ANKRD28: variants seen among roughly 807,000 people sequenced by gnomAD.
The protein encoded by ANKRD28 is serine/threonine-protein phosphatase 6 regulatory ankyrin repeat subunit A.
Under a neutral mutation model 126.5 loss-of-function variants are expected in ANKRD28, and 44 were observed. The observed-to-expected ratio is 0.35, with a 90% CI of 0.27 to 0.45. ANKRD28 has a LOEUF of 0.45. Among genes scored for constraint, ANKRD28 ranks in the 20% least tolerant of loss-of-function variants. The pLI is 1.00. For synonymous variants in ANKRD28, 442 were observed against 468.5 expected, an observed-to-expected ratio of 0.94 and a Z score of 0.73; for missense variants, 1,110 against 1,316.6, an observed-to-expected ratio of 0.84 and a Z score of 2.43.
intron 4 of ANKRD28, among the ~76,000 whole-genome samples, chr3:15,742,748 A>G: frequency 8.7e-6 from 1 of 114,938 alleles, no homozygotes; most frequent in Admixed American, 9.1e-5. Context: ...TCCGGGAGGG[A>G]GGTGAGGGGG....
chr3:15,752,773 C>A (rs1485807315), intron 3 of ANKRD28, among the ~76,000 whole-genome samples: 1 of 152,214 alleles, frequency 6.6e-6, no homozygotes, highest in African/African-American at 2.4e-5. Flanking sequence ...AAGCTTCATA[C>A]TTCCTAACGC....
rs1459924770 is a variant in ANKRD28, at chr3:15,686,204, T to G, written c.2051+18A>C. On this transcript the variant is annotated intron_variant, in intron 19 of 27. Transcript: ENST00000683139. ...AATACGCCCTTCTGTGATGCAACAA[T>G]TATTTATCGAAACTTACTGTCCATT... 6.3e-7 allele frequency: 1 copy of G among 1,589,460 alleles called. No individual in the cohort carries two copies. The highest frequency in any genetic ancestry group is 2.3e-5 in the East Asian group (1 of 44,296).
chr3:15,695,248 TG>T, intron 15 of ANKRD28, 34 bp from the exon 16 acceptor site: 2 of 1,480,994 alleles, frequency 1.4e-6, no homozygotes, highest in Non-Finnish European at 1.9e-6. Flanking sequence ...ATATTTAGCT[TG>T]GGAAGTATTC....
chr3:15,856,168 GC>G (rs1159147240), intron 1 of ANKRD28, among the ~76,000 whole-genome samples: 1 of 151,862 alleles, frequency 6.6e-6, no homozygotes, highest in Non-Finnish European at 1.5e-5. Flanking sequence ...GTTTTGTCTA[GC>G]AATCTGGATT....
chr3:15,678,571 C>G (rs2067203153), intron 23 of ANKRD28, among the ~76,000 whole-genome samples: 1 of 152,032 alleles, frequency 6.6e-6, no homozygotes, highest in Non-Finnish European at 1.5e-5. Flanking sequence ...TAAACTAGAA[C>G]TAGTATGAAG....
At chr3:15,851,618 A>C (rs1353513768) in intron 1 of ANKRD28, among the ~76,000 whole-genome samples, 2 of 152,094 alleles carry the variant, frequency 1.3e-5, no homozygotes, top group Non-Finnish European at 2.9e-5. Context: ...ACACACTAGG[A>C]TGGCTATAAT....
rs928925232 is a variant in ANKRD28, at chr3:15,797,837, T to G, written c.-1316A>C. 3 of 985,238 alleles carry G rather than the reference T, an allele frequency of 3.0e-6. No individual in the cohort carries two copies. Among genetic ancestry groups the G allele is most frequent in the Non-Finnish European group, 3.6e-6 (3 of 829,934 alleles). 61.0% of individuals were successfully genotyped at this position (985,238 alleles called of 1,614,324 possible). A position where few individuals can be genotyped will look rare whatever the true frequency, so the allele number is the denominator to read the frequency against. On this transcript the variant is annotated 5_prime_UTR_variant, in exon 1 of 28. Transcript: ENST00000683139. The stretch of plus-strand genomic sequence containing the variant: ...AACACCACTGACATCCCCAAATGAG[T>G]AGGTCCTTAAAAAATATCTATAGAA...
At chr3:15,784,004 G>T (rs1470440286) in intron 2 of ANKRD28, among the ~76,000 whole-genome samples, 1 of 151,630 alleles carries the variant, frequency 6.6e-6, no homozygotes, top group Non-Finnish European at 1.5e-5. Flanking sequence ...ATGAAAGCAA[G>T]AAAAGAGTCC....
At chr3:15,859,544 AC>A (rs1657466499) in exon 1 of ANKRD28, 3 of 496,138 alleles carry the variant, frequency 6.0e-6, no homozygotes, top group Admixed American at 1.8e-4. Context: ...CGCTGAGAAG[AC>A]CTGCGGGCAG....
chr3:15,703,314 A>AT (rs991643050), intron 14 of ANKRD28, among the ~76,000 whole-genome samples: 2 of 152,194 alleles, frequency 1.3e-5, no homozygotes, highest in Non-Finnish European at 1.5e-5. Context: ...ATGTAGCCTC[A>AT]TTTCCTAAGA....
At chr3:15,857,915 T>C (rs148203777) in intron 1 of ANKRD28, among the ~76,000 whole-genome samples, 3 of 152,226 alleles carry the variant, frequency 2.0e-5, no homozygotes. Context: ...CAAAGTGCCA[T>C]TTGACTGGTA....
intron 1 of ANKRD28, among the ~76,000 whole-genome samples, chr3:15,811,207 A>G (rs1254341598): frequency 1.3e-5 from 2 of 152,212 alleles, no homozygotes; most frequent in Admixed American, 1.3e-4. Flanking sequence ...TTTGATCTTT[A>G]AAAGAATAAG....
intron 25 of ANKRD28, 86 bp from the exon 26 acceptor site, chr3:15,677,142 A>G: frequency 9.2e-7 from 1 of 1,082,824 alleles, no homozygotes; most frequent in Non-Finnish European, 1.4e-6. Flanking sequence ...CCTAGTCCAT[A>G]TATTATGTAC....
Position 15,856,508 on chromosome 3 carries a change from C to T in ANKRD28, c.27+2869G>A, listed in dbSNP as rs112321386. ...ACACTGATATCTGTTAGAAAAAACC[C>T]TGCAATTGTCACAAATTTATTCAAA... On this transcript the variant is annotated intron_variant, in intron 1 of 27. Transcript: ENST00000399451. 2.1e-3 allele frequency among the ~76,000 whole-genome samples: 320 copies of T among 152,222 alleles called. 2 individuals are homozygous for T. The highest frequency in any genetic ancestry group is 0.01 in the Middle Eastern group (3 of 294).
At chr3:15,852,869 A>G (rs921854982) in intron 1 of ANKRD28, among the ~76,000 whole-genome samples, 4 of 149,634 alleles carry the variant, frequency 2.7e-5, no homozygotes, top group Non-Finnish European at 4.4e-5. Context: ...ATGTCAACTT[A>G]AATTGACTAG....
At position 15,796,392 on chromosome 3, in the gene ANKRD28, T is replaced by C. The variant is rs903430110; in HGVS notation, c.117+13A>G. 7.8e-7 allele frequency: 1 copy of C among 1,278,210 alleles called. No homozygotes were observed. The highest frequency in any genetic ancestry group is 5.6e-5 in the East Asian group (1 of 17,920). 79.2% of individuals were successfully genotyped at this position (1,278,210 alleles called of 1,614,324 possible). On this transcript the variant is annotated intron_variant, in intron 1 of 27. Transcript: ENST00000683139. Reference sequence around the variant, plus strand: ...AGTAGAATATAGTAAACATATAAACTTACATATCTTACCAATACATTTCCA... The same window carrying C: ...AGTAGAATATAGTAAACATATAAACCTACATATCTTACCAATACATTTCCA...
At chr3:15,826,603 C>A (rs1157551646) in intron 1 of ANKRD28, among the ~76,000 whole-genome samples, 1 of 152,140 alleles carries the variant, frequency 6.6e-6, no homozygotes, top group African/African-American at 2.4e-5. Flanking sequence ...AGACACAAAG[C>A]AAATATGGCA....
At chr3:15,736,510 G>A (rs1028313691) in intron 5 of ANKRD28, among the ~76,000 whole-genome samples, 2 of 152,188 alleles carry the variant, frequency 1.3e-5, no homozygotes, top group African/African-American at 4.8e-5. Flanking sequence ...TGGCTTCAAA[G>A]GTTCTTCTGT....
At chr3:15,739,482 G>T (rs1303930247) in intron 4 of ANKRD28, among the ~76,000 whole-genome samples, 1 of 152,076 alleles carries the variant, frequency 6.6e-6, no homozygotes, top group Non-Finnish European at 1.5e-5. Context: ...GACCAAAACC[G>T]AAAGAGATCT....
Sources: allele counts gnomAD v4.1 joint callset (sites outside exome capture counted in the v4.1 genomes callset), GRCh38; gene constraint gnomAD v4.1.1; transcripts MANE v1.5; gene names NCBI Gene and HGNC (gene_info 2026-07-23, HGNC 2026-07-21).